Variants in FARS2 observed in about 807,000 individuals in gnomAD.
The protein encoded by FARS2 is phenylalanine--tRNA ligase, mitochondrial.
Under a neutral mutation model 46.4 loss-of-function variants are expected in FARS2, and 40 were observed. That is an observed-to-expected ratio of 0.86 (90% CI 0.67 to 1.12). The LOEUF (loss-of-function observed/expected upper bound fraction) is 1.12. Among genes scored for constraint, FARS2 ranks in the 50% most tolerant of loss-of-function variants. The pLI, the probability that FARS2 is intolerant of heterozygous loss-of-function variation, is 0.00. For missense variants in FARS2, 513 were observed against 567.9 expected (o/e 0.90, Z 0.98); for synonymous variants, 234 against 214.9 (o/e 1.09, Z -0.78).
At chr6:5,647,135 T>C (rs1020599750) in intron 6 of FARS2, among the ~76,000 whole-genome samples, 1 of 152,246 alleles carries the variant, frequency 6.6e-6, no homozygotes, top group Admixed American at 6.5e-5. Flanking sequence ...TTGTCTGCTA[T>C]TGCTTACTAC....
chr6:5,465,727 CT>C lies in FARS2; in HGVS notation c.904+34562del, dbSNP rs531603036. On this transcript the variant is annotated intron_variant, in intron 4 of 6. Transcript: ENST00000274680. ...TTATTTGATAAGCACTAGGAGATAT[CT>C]TTTTTTCTTTCAATAAATGGAGGCA... is the stretch of plus-strand genomic sequence containing the variant. Among the ~76,000 whole-genome samples, 115 of 151,196 alleles carry C rather than the reference CT, an allele frequency of 7.6e-4. 1 individual carries two copies. The highest frequency in any genetic ancestry group is 2.8e-3 in the Admixed American group (43 of 15,198).
rs112151519 is a variant in FARS2 at position 5,434,075 on chromosome 6, A to G, written c.904+2903A>G. Among the ~76,000 whole-genome samples, 166 of 151,882 alleles carry G rather than the reference A, an allele frequency of 1.1e-3. 1 individual carries two copies. The highest frequency in any genetic ancestry group is 3.9e-3 in the African/African-American group (160 of 41,524). The stretch of plus-strand genomic sequence containing the variant: ...CGCAGTGATGGTAGGATGTGCTTTG[A>G]GTTTTGGGGAAACTGTACACATAAA... On this transcript the variant is annotated intron_variant, in intron 4 of 6. Coordinates refer to ENST00000274680, the MANE Select transcript of FARS2 (RefSeq NM_006567.5).
intron 5 of FARS2, among the ~76,000 whole-genome samples, chr6:5,560,571 A>G (rs1771927765): frequency 6.6e-6 from 1 of 152,106 alleles, no homozygotes; most frequent in Non-Finnish European, 1.5e-5. Flanking sequence ...AGATTATGAT[A>G]TCCTCATAAA....
chr6:5,318,761 G>C (rs760718478), intron 1 of FARS2, among the ~76,000 whole-genome samples: 41 of 152,142 alleles, frequency 2.7e-4, no homozygotes, highest in Middle Eastern at 3.2e-3. Flanking sequence ...TGACCAGTCT[G>C]ATTGGTTGTG....
At chr6:5,725,387 C>G (rs1760185518) in intron 6 of FARS2, among the ~76,000 whole-genome samples, 1 of 152,132 alleles carries the variant, frequency 6.6e-6, no homozygotes, top group Admixed American at 6.5e-5. Flanking sequence ...GTGAGAAGAC[C>G]TTTGAGCAGG....
At position 5,546,398 on chromosome 6, in the gene FARS2, C is replaced by A. The variant is rs189778040; in HGVS notation, c.1065+1058C>A. 1.1e-3 allele frequency among the ~76,000 whole-genome samples: 162 copies of A among 151,304 alleles called. 2 individuals are homozygous for A. The highest frequency in any genetic ancestry group is 3.2e-4 in the Non-Finnish European group (22 of 67,744). Reference sequence around the variant, plus strand: ...CCTGAGCAGCTGGGATTACAGGCGCCCACCACTACGCCCAGCTAATTTTGT... The same window carrying A: ...CCTGAGCAGCTGGGATTACAGGCGCACACCACTACGCCCAGCTAATTTTGT... On this transcript the variant is annotated intron_variant, in intron 5 of 6. Coordinates refer to ENST00000274680, the MANE Select transcript of FARS2 (RefSeq NM_006567.5).
intron 4 of FARS2, among the ~76,000 whole-genome samples, chr6:5,438,504 G>A (rs1763664540): frequency 6.6e-6 from 1 of 150,752 alleles, no homozygotes; most frequent in African/African-American, 2.4e-5. Flanking sequence ...TTTTATTTCA[G>A]TGCTTTTTTT....
At chr6:5,494,031 G>C (rs1767293930) in intron 4 of FARS2, among the ~76,000 whole-genome samples, 1 of 151,924 alleles carries the variant, frequency 6.6e-6, no homozygotes. Flanking sequence ...TGGAGTTCCT[G>C]TCAGAAGTTC....
intron 6 of FARS2, among the ~76,000 whole-genome samples, chr6:5,763,517 G>C (rs1762594730): frequency 6.6e-6 from 1 of 152,110 alleles, no homozygotes. Flanking sequence ...TAGGATTCTA[G>C]AGCCAGAAGG....
chr6:5,577,796 T>C lies in FARS2; in HGVS notation c.1065+32456T>C, dbSNP rs111994429. ...TCTTTTATTTATTTATTTATTTATTTATTCATTTTTATTTATTTTTTGAGA... is the reference window on the plus strand; with the variant it reads ...TCTTTTATTTATTTATTTATTTATTCATTCATTTTTATTTATTTTTTGAGA... On this transcript the variant is annotated intron_variant, in intron 5 of 6. Coordinates refer to ENST00000274680, the MANE Select transcript of FARS2 (RefSeq NM_006567.5). 3.1e-3 allele frequency among the ~76,000 whole-genome samples: 385 copies of C among 124,322 alleles called. 4 individuals carry two copies. The highest frequency in any genetic ancestry group is 0.011 in the African/African-American group (370 of 33,706). 81.6% of individuals were successfully genotyped at this position (124,322 alleles called of 152,430 possible). A position where few individuals can be genotyped will look rare whatever the true frequency, so the allele number is the denominator to read the frequency against.
intron 2 of FARS2, among the ~76,000 whole-genome samples, chr6:5,399,591 A>G (rs963065391): frequency 6.6e-6 from 1 of 151,696 alleles, no homozygotes; most frequent in Non-Finnish European, 1.5e-5. Context: ...CCATTCAACC[A>G]TTTTTTCCAT....
At chr6:5,305,774 T>C (rs981107359) in intron 1 of FARS2, among the ~76,000 whole-genome samples, 14 of 152,074 alleles carry the variant, frequency 9.2e-5, no homozygotes, top group African/African-American at 3.4e-4. Context: ...CCTACAAGTG[T>C]GTATTTGGAG....
At chr6:5,604,505 G>C (rs1287154005) in intron 5 of FARS2, among the ~76,000 whole-genome samples, 1 of 152,136 alleles carries the variant, frequency 6.6e-6, no homozygotes, top group East Asian at 1.9e-4. Flanking sequence ...GAGGTGGGCT[G>C]CCGTGCACTC....
intron 4 of FARS2, among the ~76,000 whole-genome samples, chr6:5,544,429 A>T (rs1292751392): frequency 2.0e-5 from 3 of 152,042 alleles, no homozygotes; most frequent in Non-Finnish European, 4.4e-5. Context: ...ATATCCTTTC[A>T]TGAGCTCATT....
At chr6:5,254,907 A>C in the FARS2 span, among the ~76,000 whole-genome samples, 1 of 152,066 alleles carries the variant, frequency 6.6e-6, no homozygotes, top group African/African-American at 2.4e-5. Context: ...TGGAGGGGGT[A>C]TCTCTACTCA....
intron 5 of FARS2, among the ~76,000 whole-genome samples, chr6:5,547,375 C>CTTTTTTTTTTTT (rs1179938775): frequency 6.9e-6 from 1 of 145,002 alleles, no homozygotes. Flanking sequence ...CTTCACTTGT[C>CTTTTTTTTTTTT]TTTTTGTTTT....
rs919502137 is a variant in FARS2, at chr6:5,727,029, A to G, written c.1218-44262A>G. Among the ~76,000 whole-genome samples the G allele has an allele frequency of 1.3e-5, 2 of 152,382 alleles. No individual in the cohort carries two copies. The highest frequency in any genetic ancestry group is 2.9e-5 in the Non-Finnish European group (2 of 68,040). Reference sequence around the variant, plus strand: ...ACTGCAAATGGTATGGCCTTGGGTCAGATACTTGGCCTCATTGAGCTTCAC... The same window carrying G: ...ACTGCAAATGGTATGGCCTTGGGTCGGATACTTGGCCTCATTGAGCTTCAC... On this transcript the variant is annotated intron_variant, in intron 6 of 6. Coordinates refer to ENST00000274680, the MANE Select transcript of FARS2 (RefSeq NM_006567.5). This position sits in a 1 kb window ranked among gnomAD's most constrained non-coding sequence, Gnocchi z 4.1.
chr6:5,591,223 A>T (rs1206568174), intron 5 of FARS2, among the ~76,000 whole-genome samples: 1 of 152,218 alleles, frequency 6.6e-6, no homozygotes, highest in South Asian at 2.1e-4. Flanking sequence ...AGAAAAGAAT[A>T]CCATACTTAA....
intron 6 of FARS2, among the ~76,000 whole-genome samples, chr6:5,673,857 A>G (rs1778611417): frequency 1.3e-5 from 2 of 152,322 alleles, no homozygotes; most frequent in Admixed American, 6.5e-5. Context: ...ATATAAATAT[A>G]TATAATGTAT....
Sources: allele counts gnomAD v4.1 joint callset (sites outside exome capture counted in the v4.1 genomes callset), GRCh38; gene constraint gnomAD v4.1.1; non-coding constraint Gnocchi (gnomAD v3.1); transcripts MANE v1.5; gene names NCBI Gene and HGNC (gene_info 2026-07-23, HGNC 2026-07-21).